SYNPO: variants seen among roughly 807,000 people sequenced by gnomAD.
SYNPO encodes the protein synaptopodin.
In SYNPO, 19 loss-of-function variants were observed where a neutral mutation model predicts 49.5. The ratio of observed to expected loss-of-function variants is 0.38; its 90% CI spans 0.27 to 0.56. SYNPO has a LOEUF of 0.56. Among genes scored for constraint, SYNPO ranks in the 20% least tolerant of loss-of-function variants. SYNPO has a pLI of 0.68. For synonymous variants in SYNPO, 536 were observed against 548.0 expected (o/e 0.98, Z 0.31); for missense variants, 1,131 against 1,248.3 (o/e 0.91, Z 1.42).
chr5:150,625,897 A>G (rs953980195), intron 2 of SYNPO, among the ~76,000 whole-genome samples: 3 of 152,216 alleles, frequency 2.0e-5, no homozygotes, highest in Non-Finnish European at 4.4e-5. Flanking sequence ...TGGCACTGGA[A>G]TAAACCAACT....
At chr5:150,599,788 A>T (rs937252329), upstream of SYNPO, among the ~76,000 whole-genome samples, 11 of 152,302 alleles carry the variant, frequency 7.2e-5, no homozygotes, top group Non-Finnish European at 1.3e-4. Context: ...AATCAATATC[A>T]TCATAATAAA....
At chr5:150,620,702 T>C (rs1757123713) in intron 2 of SYNPO, among the ~76,000 whole-genome samples, 1 of 152,202 alleles carries the variant, frequency 6.6e-6, no homozygotes, top group Non-Finnish European at 1.5e-5. Flanking sequence ...GTTCATTTGA[T>C]AGCATCTCAC....
intron 1 of SYNPO, among the ~76,000 whole-genome samples, chr5:150,646,924 TC>T (rs1758115332): frequency 6.6e-6 from 1 of 152,086 alleles, no homozygotes; most frequent in Non-Finnish European, 1.5e-5. Context: ...CAGGTGCTGT[TC>T]TAGGGGCTGT....
the SYNPO span, among the ~76,000 whole-genome samples, chr5:150,595,690 G>A: frequency 1.3e-5 from 2 of 152,170 alleles, no homozygotes; most frequent in Non-Finnish European, 2.9e-5. Context: ...TTTCTTTCTC[G>A]TGCAGACTGT....
upstream of SYNPO, among the ~76,000 whole-genome samples, chr5:150,596,425 CT>C (rs1756425330): frequency 6.6e-6 from 1 of 152,150 alleles, no homozygotes; most frequent in African/African-American, 2.4e-5. Context: ...AATTCTACAT[CT>C]GGCTTTTTCA....
At chr5:150,616,940 A>G (rs1451151210) in intron 1 of SYNPO, among the ~76,000 whole-genome samples, 3 of 152,144 alleles carry the variant, frequency 2.0e-5, no homozygotes, top group African/African-American at 7.2e-5. Flanking sequence ...TGTTCCTGCT[A>G]TCATTCACAG....
At chr5:150,634,452 T>G (rs1205877915) in intron 2 of SYNPO, among the ~76,000 whole-genome samples, 1 of 152,132 alleles carries the variant, frequency 6.6e-6, no homozygotes, top group East Asian at 1.9e-4. Flanking sequence ...ATGCTGGTGG[T>G]GGTGCTAAGG....
chr5:150,644,768 C>T (rs1040071577), intron 1 of SYNPO, among the ~76,000 whole-genome samples: 2 of 152,218 alleles, frequency 1.3e-5, no homozygotes, highest in Non-Finnish European at 2.9e-5. Flanking sequence ...CCTCTCAGAG[C>T]CCTCCAGTGT....
In SYNPO at chr5:150,645,697, G is replaced by C. The variant is rs937805937; in HGVS notation, c.-332-2247G>C. ...GAGCATGGACTAGAGACCCCAGAAA[G>C]AACAGTTCTGACTCCAGCTTTGTCA... is the stretch of plus-strand genomic sequence containing the variant. On this transcript the variant is annotated intron_variant, in intron 1 of 2. Coordinates refer to ENST00000307662, the MANE Select transcript of SYNPO (RefSeq NM_007286.6). 3.9e-5 allele frequency among the ~76,000 whole-genome samples: 6 copies of C among 152,272 alleles called. No individual in the cohort carries two copies. The East Asian group carries it at 1.2e-3, about 29-fold the overall frequency.
At chr5:150,596,449 C>G (rs1446453269), upstream of SYNPO, among the ~76,000 whole-genome samples, 1 of 152,124 alleles carries the variant, frequency 6.6e-6, no homozygotes, top group Non-Finnish European at 1.5e-5. Context: ...AGACGACGTT[C>G]GATCCCAGGC....
At chr5:150,636,668 G>A (rs1047462029), upstream of SYNPO, among the ~76,000 whole-genome samples, 32 of 152,242 alleles carry the variant, frequency 2.1e-4, no homozygotes, top group East Asian at 1.9e-4. Context: ...CAGCAGAGGA[G>A]AGGGCCATGG....
upstream of SYNPO, among the ~76,000 whole-genome samples, chr5:150,597,776 C>A (rs1356971677): frequency 1.3e-5 from 2 of 152,150 alleles, no homozygotes; most frequent in Non-Finnish European, 2.9e-5. Flanking sequence ...GTAGCTGGCA[C>A]TACAGGCGCA....
rs746212122 is a variant in SYNPO, at chr5:150,648,236, C to A, written c.-40C>A. On this transcript the variant is annotated 5_prime_UTR_variant, in exon 2 of 3. Coordinates refer to ENST00000307662, the MANE Select transcript of SYNPO (RefSeq NM_007286.6). The surrounding 1 kb of genome is among the most constrained non-coding windows in gnomAD (Gnocchi z 5.0). ...CGGAGCCAGGCCCTCCACGGCACCC[C>A]AGTCCCCAGAGCCCCGACAGAGGGG... 45 of 1,612,846 alleles carry A rather than the reference C, an allele frequency of 2.8e-5. 1 individual carries two copies. The South Asian group carries it at 4.4e-4, about 16-fold the overall frequency.
At chr5:150,595,747 C>A in the SYNPO span, among the ~76,000 whole-genome samples, 1 of 152,184 alleles carries the variant, frequency 6.6e-6, no homozygotes, top group Non-Finnish European at 1.5e-5. Context: ...ACTAAGGCAG[C>A]CAAAACATGA....
intron 2 of SYNPO, among the ~76,000 whole-genome samples, chr5:150,633,301 G>A (rs1243604210): frequency 2.0e-5 from 3 of 152,172 alleles, no homozygotes; most frequent in African/African-American, 7.2e-5. Context: ...CTGAGGCTCC[G>A]CACATATAAG....
chr5:150,610,406 G>T (rs897261267), intron 1 of SYNPO, among the ~76,000 whole-genome samples: 9 of 152,164 alleles, frequency 5.9e-5, no homozygotes, highest in African/African-American at 2.2e-4. Context: ...GTTCCAGCTT[G>T]GTCATTTTCC....
chr5:150,625,335 C>T (rs1051291051), intron 2 of SYNPO, among the ~76,000 whole-genome samples: 2 of 152,220 alleles, frequency 1.3e-5, no homozygotes, highest in South Asian at 4.1e-4. Context: ...TTGGGCTCTG[C>T]CCAGAATTGA....
At chr5:150,601,647 G>A (rs1429297583) in intron 1 of SYNPO, among the ~76,000 whole-genome samples, 2 of 152,202 alleles carry the variant, frequency 1.3e-5, no homozygotes, top group Non-Finnish European at 2.9e-5. Flanking sequence ...CAGGGCTGAA[G>A]TGGCCTCCTG....
At chr5:150,636,785 G>A (rs1757729805), upstream of SYNPO, among the ~76,000 whole-genome samples, 1 of 149,920 alleles carries the variant, frequency 6.7e-6, no homozygotes, top group African/African-American at 2.5e-5. Context: ...CCCCTGTGCA[G>A]AGAGAACGCG....
Sources: allele counts gnomAD v4.1 joint callset (sites outside exome capture counted in the v4.1 genomes callset), GRCh38; gene constraint gnomAD v4.1.1; non-coding constraint Gnocchi (gnomAD v3.1); transcripts MANE v1.5; gene names NCBI Gene and HGNC (gene_info 2026-07-23, HGNC 2026-07-21).